Variants in TRIP12 observed in about 807,000 individuals in gnomAD.
The protein encoded by TRIP12 is E3 ubiquitin-protein ligase TRIP12.
In TRIP12, 25 loss-of-function variants were observed where a neutral mutation model predicts 244.2. That is an observed-to-expected ratio of 0.10 (90% CI 0.07 to 0.14). The LOEUF (loss-of-function observed/expected upper bound fraction) is 0.14, where lower values mean the gene tolerates loss of function less well. Among genes scored for constraint, TRIP12 ranks in the 10% least tolerant of loss-of-function variants. TRIP12 has a pLI of 1.00. For missense variants in TRIP12, 1,677 were observed against 2,486.4 expected (o/e 0.67, Z 6.92); for synonymous variants, 905 against 873.1 (o/e 1.04, Z -0.64).
At chr2:229,884,695 C>T (rs779684703) in intron 1 of TRIP12, among the ~76,000 whole-genome samples, 11 of 152,130 alleles carry the variant, frequency 7.2e-5, no homozygotes, top group Admixed American at 1.3e-4. Context: ...AAGCCAGGCA[C>T]GGTGGTGGAT....
intron 10 of TRIP12, 33 bp downstream of exon 10, chr2:229,815,240 A>G (rs2048203030): frequency 6.5e-7 from 1 of 1,550,380 alleles, no homozygotes; most frequent in Non-Finnish European, 8.9e-7. Flanking sequence ...AAACTTAAAT[A>G]TACACCATTA....
intron 33 of TRIP12, among the ~76,000 whole-genome samples, 184 bp from the exon 34 acceptor site, chr2:229,786,039 T>C (rs376755760): frequency 1.3e-5 from 2 of 152,344 alleles, no homozygotes; most frequent in East Asian, 3.9e-4. Flanking sequence ...AACAGCACCC[T>C]GGCATACATT....
At chr2:229,897,254 T>C (rs190696184) in intron 1 of TRIP12, among the ~76,000 whole-genome samples, 1 of 152,352 alleles carries the variant, frequency 6.6e-6, no homozygotes, top group East Asian at 1.9e-4. Context: ...TTCATTTATA[T>C]ACAAGGCCTA....
chr2:229,920,968 T>C lies in TRIP12; in HGVS notation c.-50+912A>G, dbSNP rs77037864. ...TTATGTAATCCACATATAAATAAATTAATCGCCTGACTCGCTCTGAATGCT... is the reference window on the plus strand; with the variant it reads ...TTATGTAATCCACATATAAATAAATCAATCGCCTGACTCGCTCTGAATGCT... On this transcript the variant is annotated intron_variant, in intron 1 of 41. Coordinates refer to ENST00000675903, the MANE Select transcript of TRIP12 (RefSeq NM_001348323.3). Among the ~76,000 whole-genome samples the C allele has an allele frequency of 4.2e-3, 636 of 152,260 alleles. 5 individuals are homozygous for C. Among genetic ancestry groups the C allele is most frequent in the African/African-American group, 0.014 (575 of 41,536 alleles).
intron 4 of TRIP12, among the ~76,000 whole-genome samples, chr2:229,858,027 A>G (rs2059900800): frequency 6.6e-6 from 1 of 152,054 alleles, no homozygotes; most frequent in Non-Finnish European, 1.5e-5. Context: ...TTATAGTAAT[A>G]ACTTAATTCA....
At chr2:229,855,603 T>TAAAAAAAAAAAAAA (rs1166000961) in intron 4 of TRIP12, among the ~76,000 whole-genome samples, 1 of 88,676 alleles carries the variant, frequency 1.1e-5, no homozygotes, top group Non-Finnish European at 2.4e-5. Flanking sequence ...AACAAGGGTT[T>TAAAAAAAAAAAAAA]AAAAAAAAAA....
At chr2:229,897,573 G>A (rs1390940680) in intron 1 of TRIP12, among the ~76,000 whole-genome samples, 1 of 152,232 alleles carries the variant, frequency 6.6e-6, no homozygotes, top group Non-Finnish European at 1.5e-5. Flanking sequence ...GCTTGAACCA[G>A]GAGGCGGAGG....
intron 4 of TRIP12, among the ~76,000 whole-genome samples, chr2:229,844,502 T>C (rs977710262): frequency 1.3e-5 from 2 of 152,242 alleles, no homozygotes; most frequent in Non-Finnish European, 2.9e-5. Flanking sequence ...CATGTTAATC[T>C]TTCATATGGT....
chr2:229,840,699 T>A, intron 5 of TRIP12, 123 bp downstream of exon 5: 1 of 757,356 alleles, frequency 1.3e-6, no homozygotes. Context: ...CAAGACTCCG[T>A]CAAAAAACAA....
intron 1 of TRIP12, 46 bp from the exon 2 acceptor site, chr2:229,880,174 C>T (rs893254179): frequency 1.7e-5 from 20 of 1,197,052 alleles, no homozygotes; most frequent in Admixed American, 4.8e-5. Context: ...GTACAAAATA[C>T]AATATGGAAA....
chr2:229,903,228 T>C (rs1405881689), intron 1 of TRIP12, among the ~76,000 whole-genome samples: 1 of 152,066 alleles, frequency 6.6e-6, no homozygotes, highest in Non-Finnish European at 1.5e-5. Context: ...GAGAACCACT[T>C]GCTGCTTAGA....
chr2:229,777,727 C>T (rs2036729785), intron 36 of TRIP12, among the ~76,000 whole-genome samples: 2 of 152,178 alleles, frequency 1.3e-5, no homozygotes, highest in South Asian at 4.1e-4. Context: ...AGGGAAAAAA[C>T]TTACTATATT....
At chr2:229,794,558 T>G (rs1462490539) in intron 26 of TRIP12, among the ~76,000 whole-genome samples, 1 of 145,846 alleles carries the variant, frequency 6.9e-6, no homozygotes, top group Non-Finnish European at 1.5e-5. Context: ...AAAGTAAGAC[T>G]CTGTCCCAAA....
chr2:229,803,691 T>TA lies in TRIP12; in HGVS notation c.2880-3dup, dbSNP rs774449594. ...CTTGACAGCATGGAAGCAATGTGAC[T>TA]AAAAAAAGAAAGCATTTGTATATAA... is the stretch of plus-strand genomic sequence containing the variant. On this transcript the variant is annotated splice_region_variant and splice_polypyrimidine_tract_variant and intron_variant, in intron 19 of 41. Transcript: ENST00000675903. The TA allele has an allele frequency of 1.3e-6, 2 of 1,586,318 alleles. No homozygotes were observed. Among genetic ancestry groups the TA allele is most frequent in the South Asian group, 1.2e-5 (1 of 86,300 alleles).
chr2:229,847,938 C>G (rs1017393299), intron 4 of TRIP12, among the ~76,000 whole-genome samples: 6 of 152,140 alleles, frequency 3.9e-5, no homozygotes, highest in Admixed American at 3.9e-4. Flanking sequence ...AGAAGGGAAT[C>G]GAGTACAGAC....
chr2:229,851,476 A>G (rs2058688700), intron 4 of TRIP12, among the ~76,000 whole-genome samples: 1 of 152,114 alleles, frequency 6.6e-6, no homozygotes, highest in Non-Finnish European at 1.5e-5. Flanking sequence ...GGCTCTACCA[A>G]TCAGCAGGAT....
chr2:229,767,790 T>C (rs2032288156), intron 41 of TRIP12, 40 bp from the exon 42 acceptor site: 2 of 1,570,346 alleles, frequency 1.3e-6, no homozygotes, highest in Non-Finnish European at 1.7e-6. Context: ...CTTAAGTTTT[T>C]AAAAAACATC....
At chr2:229,872,093 G>A (rs2062708065) in intron 2 of TRIP12, among the ~76,000 whole-genome samples, 1 of 106,228 alleles carries the variant, frequency 9.4e-6, no homozygotes, top group African/African-American at 3.5e-5. Context: ...TAGTTTTAAT[G>A]ACAGATATTG....
intron 4 of TRIP12, among the ~76,000 whole-genome samples, chr2:229,855,945 C>T (rs977361562): frequency 1.2e-4 from 18 of 150,938 alleles, no homozygotes; most frequent in East Asian, 3.9e-4. Flanking sequence ...GGCTGAGGCA[C>T]GAGAATTGCC....
Sources: allele counts gnomAD v4.1 joint callset (sites outside exome capture counted in the v4.1 genomes callset), GRCh38; gene constraint gnomAD v4.1.1; transcripts MANE v1.5; gene names NCBI Gene and HGNC (gene_info 2026-07-23, HGNC 2026-07-21).